Variants in RAD51B observed in about 807,000 individuals in gnomAD.
RAD51B encodes RAD51 paralog B, also known as DNA repair protein RAD51 homolog 2.
In RAD51B, 38 loss-of-function variants were observed where a neutral mutation model predicts 42.2. That is an observed-to-expected ratio of 0.90 (90% CI 0.70 to 1.18). The LOEUF (loss-of-function observed/expected upper bound fraction) is 1.18. Among genes scored for constraint, RAD51B ranks in the 50% most tolerant of loss-of-function variants. RAD51B has a pLI of 0.00. For missense variants in RAD51B, 373 were observed against 400.7 expected (o/e 0.93, Z 0.59); for synonymous variants, 154 against 145.2 (o/e 1.06, Z -0.43).
intron 7 of RAD51B, among the ~76,000 whole-genome samples, chr14:67,896,104 T>C (rs2043408805): frequency 6.6e-6 from 1 of 152,244 alleles, no homozygotes; most frequent in Non-Finnish European, 1.5e-5. Context: ...TATGTTCTTA[T>C]GCATCCTCCA....
At chr14:68,230,686 G>A (rs1340891850) in intron 7 of RAD51B, among the ~76,000 whole-genome samples, 2 of 152,178 alleles carry the variant, frequency 1.3e-5, no homozygotes, top group Non-Finnish European at 2.9e-5. Context: ...CTAAAGAAAC[G>A]GATTGCTATG....
At chr14:68,016,833 G>T (rs2075784704) in intron 7 of RAD51B, among the ~76,000 whole-genome samples, 1 of 152,180 alleles carries the variant, frequency 6.6e-6, no homozygotes, top group Non-Finnish European at 1.5e-5. Context: ...CTGTGGTTAA[G>T]TAAATTCACT....
chr14:68,643,717 G>A (rs544388111), intron 10 of RAD51B, among the ~76,000 whole-genome samples: 1 of 152,298 alleles, frequency 6.6e-6, no homozygotes, highest in African/African-American at 2.4e-5. Context: ...ACATGTGCCA[G>A]GAAATCAGAG....
At chr14:67,822,148 A>C (rs1045474206) in intron 1 of RAD51B, 1 of 152,196 alleles carries the variant, frequency 6.6e-6, no homozygotes, top group Non-Finnish European at 1.5e-5. Context: ...TTTTCTGATA[A>C]CTATATTGCT....
chr14:68,261,847 G>A (rs1371870577), intron 7 of RAD51B, among the ~76,000 whole-genome samples: 2 of 151,630 alleles, frequency 1.3e-5, no homozygotes, highest in African/African-American at 4.8e-5. Flanking sequence ...GAGAAGAAAA[G>A]AGGTGAGACA....
intron 7 of RAD51B, among the ~76,000 whole-genome samples, chr14:67,974,850 C>T (rs186835185): frequency 2.1e-4 from 32 of 152,222 alleles, no homozygotes; most frequent in Admixed American, 1.8e-3. Flanking sequence ...TAGTTGTGAA[C>T]TGTATCAACT....
intron 7 of RAD51B, among the ~76,000 whole-genome samples, chr14:68,202,809 C>CA (rs1420873161): frequency 6.6e-6 from 1 of 151,794 alleles, no homozygotes; most frequent in African/African-American, 2.4e-5. Context: ...CTCGAACTCC[C>CA]AACCTCAGGT....
intron 10 of RAD51B, among the ~76,000 whole-genome samples, chr14:68,590,517 A>G (rs935508984): frequency 2.6e-5 from 4 of 152,196 alleles, no homozygotes; most frequent in Non-Finnish European, 5.9e-5. Flanking sequence ...TGGCGATGTC[A>G]GGTCTTCAGC....
intron 9 of RAD51B, among the ~76,000 whole-genome samples, chr14:68,417,200 G>A (rs2084583131): frequency 6.6e-6 from 1 of 152,142 alleles, no homozygotes; most frequent in Admixed American, 6.6e-5. Context: ...ATGGTTCCAG[G>A]TCGCTGTACT....
rs73278387 is a variant in RAD51B at position 68,476,156 on chromosome 14, C to T, written c.1037-1492C>T. Among the ~76,000 whole-genome samples, 1,303 of 151,866 alleles carry T rather than the reference C, an allele frequency of 8.6e-3. 22 individuals are homozygous for T. Among genetic ancestry groups the T allele is most frequent in the African/African-American group, 0.03 (1,255 of 41,374 alleles). On this transcript the variant is annotated intron_variant, in intron 10 of 10. Coordinates refer to ENST00000471583, the MANE Select transcript of RAD51B (RefSeq NM_133510.4). The stretch of plus-strand genomic sequence containing the variant: ...AACTGTGATACCTATTACCAAGGTT[C>T]AAACAGTGGAATATAGAAGGATAAA...
intron 9 of RAD51B, among the ~76,000 whole-genome samples, chr14:68,447,649 G>C (rs112337346): frequency 2.2e-4 from 33 of 151,936 alleles, no homozygotes; most frequent in South Asian, 4.1e-4. Flanking sequence ...AAAAGTTTCA[G>C]ATGAAGAGTA....
At chr14:68,012,356 G>A (rs1475085625) in intron 7 of RAD51B, among the ~76,000 whole-genome samples, 2 of 152,022 alleles carry the variant, frequency 1.3e-5, no homozygotes, top group Non-Finnish European at 2.9e-5. Context: ...GGTGCACAGC[G>A]TGTTATTGTA....
intron 7 of RAD51B, among the ~76,000 whole-genome samples, chr14:68,209,961 CT>C (rs111751838): frequency 0.031 from 4,439 of 141,978 alleles, 139 homozygotes; most frequent in African/African-American, 0.083. Flanking sequence ...CTAGGAATAC[CT>C]TTTTTTTTTT....
At chr14:68,475,281 G>A (rs1010576441) in intron 10 of RAD51B, among the ~76,000 whole-genome samples, 2 of 152,180 alleles carry the variant, frequency 1.3e-5, no homozygotes, top group African/African-American at 2.4e-5. Context: ...ATGAATATTC[G>A]GTGACACAGC....
intron 10 of RAD51B, among the ~76,000 whole-genome samples, chr14:68,580,017 C>T (rs989303480): frequency 6.6e-6 from 1 of 152,188 alleles, no homozygotes; most frequent in Admixed American, 6.5e-5. Context: ...GGGAAGGGCC[C>T]GCAATGCCAG....
At position 68,638,610 on chromosome 14, in the gene RAD51B, A is replaced by C. The variant is rs1892389919; in HGVS notation, c.1037-12171A>C. Among the ~76,000 whole-genome samples the C allele has an allele frequency of 3.3e-5, 5 of 152,248 alleles. No homozygotes were observed. The South Asian group carries it at 1.0e-3, about 32-fold the overall frequency. Reference sequence around the variant, plus strand: ...TGATGGGGGAGGGGAGCTGGCATCCACTTTGTACCTGGGATCTGCCTGGCC... The same window carrying C: ...TGATGGGGGAGGGGAGCTGGCATCCCCTTTGTACCTGGGATCTGCCTGGCC... On this transcript the variant is annotated intron_variant, in intron 10 of 11. Coordinates refer to the RAD51B transcript ENST00000488612.
chr14:68,216,841 C>CTGGACAGTA (rs2079825618), intron 7 of RAD51B, among the ~76,000 whole-genome samples: 1 of 152,160 alleles, frequency 6.6e-6, no homozygotes, highest in Admixed American at 6.5e-5. Context: ...CAAGAGGAGC[C>CTGGACAGTA]TGGACAGTAA....
rs2084952179 is a variant in RAD51B, at chr14:68,429,777, C to T, written c.957+18250C>T. 2.6e-5 allele frequency among the ~76,000 whole-genome samples: 4 copies of T among 152,184 alleles called. No individual in the cohort carries two copies. The South Asian group carries it at 8.3e-4, about 32-fold the overall frequency. On this transcript the variant is annotated intron_variant, in intron 9 of 10. Coordinates refer to ENST00000471583, the MANE Select transcript of RAD51B (RefSeq NM_133510.4). ...ATTAGATCCCATTTGTCAATTTTGG[C>T]TTTTGTGGCCCTTGCTTTTGGTTTT...
At chr14:68,484,451 G>A (rs1331879683) in intron 10 of RAD51B, among the ~76,000 whole-genome samples, 7 of 147,642 alleles carry the variant, frequency 4.7e-5, no homozygotes, top group Admixed American at 2.0e-4. Flanking sequence ...TCCGCCTTCC[G>A]GGTTCACGCT....
Sources: gnomAD v4.1 joint callset for allele counts (sites outside exome capture counted in the v4.1 genomes callset) on GRCh38, gnomAD v4.1.1 for gene constraint, MANE v1.5 for transcripts, NCBI Gene and HGNC (gene_info 2026-07-23, HGNC 2026-07-21) for gene names.